Variants in EFR3A observed in about 807,000 individuals in gnomAD.
EFR3A encodes the protein EFR3 homolog A.
A neutral mutation model predicts 104.4 loss-of-function variants in EFR3A; 76 were observed. That is an observed-to-expected ratio of 0.73 (90% CI 0.60 to 0.88). The LOEUF is 0.88. Among genes scored for constraint, EFR3A ranks in the 40% least tolerant of loss-of-function variants. The pLI is 0.00. For synonymous variants in EFR3A, 330 were observed against 330.0 expected, an observed-to-expected ratio of 1.00 and a Z score of 0.00; for missense variants, 985 against 1,012.5, an observed-to-expected ratio of 0.97 and a Z score of 0.37.
chr8:131,972,592 A>G (rs1820127090), intron 10 of EFR3A, among the ~76,000 whole-genome samples: 1 of 152,026 alleles, frequency 6.6e-6, no homozygotes, highest in African/African-American at 2.4e-5. Flanking sequence ...CAAGCAAGCT[A>G]TTTTTCTAAT....
intron 17 of EFR3A, 127 bp from the exon 18 acceptor site, chr8:131,987,448 C>A: frequency 9.5e-7 from 1 of 1,051,688 alleles, no homozygotes; most frequent in Non-Finnish European, 1.3e-6. Flanking sequence ...GATTTTTCTG[C>A]TACTACAGTT....
intron 7 of EFR3A, among the ~76,000 whole-genome samples, chr8:131,958,168 C>T (rs1328344576): frequency 6.6e-6 from 1 of 152,026 alleles, no homozygotes; most frequent in African/African-American, 2.4e-5. Flanking sequence ...TATTTTTCTG[C>T]CTCTTAGGAG....
intron 10 of EFR3A, among the ~76,000 whole-genome samples, chr8:131,975,388 A>ATTTTTCCTTCTTTTT (rs1820273770): frequency 8.4e-6 from 1 of 119,694 alleles, no homozygotes; most frequent in East Asian, 2.4e-4. Flanking sequence ...CTACCAAAAT[A>ATTTTTCCTTCTTTTT]TTTTTCCTTC....
intron 10 of EFR3A, among the ~76,000 whole-genome samples, chr8:131,973,841 T>G (rs1820195458): frequency 6.6e-6 from 1 of 152,182 alleles, no homozygotes; most frequent in African/African-American, 2.4e-5. Flanking sequence ...GTGAATGAGA[T>G]GCTTTTGGTG....
At chr8:131,923,480 G>A (rs571835611) in intron 1 of EFR3A, among the ~76,000 whole-genome samples, 2 of 149,516 alleles carry the variant, frequency 1.3e-5, no homozygotes, top group East Asian at 1.9e-4. Context: ...CTTTAAAAAG[G>A]CATCTGGGAA....
intron 1 of EFR3A, 104 bp from the exon 2 acceptor site, chr8:131,940,395 A>G: frequency 9.3e-7 from 1 of 1,075,356 alleles, no homozygotes; most frequent in Non-Finnish European, 1.3e-6. Context: ...GACAGTTTGA[A>G]CTTTGTATTT....
At chr8:131,913,645 G>T (rs2130394962) in intron 1 of EFR3A, among the ~76,000 whole-genome samples, 1 of 152,182 alleles carries the variant, frequency 6.6e-6, no homozygotes, top group Middle Eastern at 3.4e-3. Context: ...GAACTCCAGG[G>T]TATTTCTGCT....
chr8:131,978,767 G>T, intron 12 of EFR3A, 80 bp from the exon 13 acceptor site: 1 of 1,095,070 alleles, frequency 9.1e-7, no homozygotes, highest in South Asian at 3.1e-5. Flanking sequence ...CTAAGTTTAT[G>T]GTTCTTATAA....
intron 1 of EFR3A, among the ~76,000 whole-genome samples, chr8:131,913,176 A>G (rs1816592770): frequency 6.8e-6 from 1 of 146,798 alleles, no homozygotes; most frequent in Non-Finnish European, 1.5e-5. Flanking sequence ...AGAGTTGAAT[A>G]CAGTTCTAGG....
chr8:131,979,131 A>G, intron 13 of EFR3A, 112 bp downstream of exon 13: 1 of 1,214,334 alleles, frequency 8.2e-7, no homozygotes, highest in South Asian at 1.7e-5. Context: ...TTATTAATCC[A>G]TAATTTTATT....
At chr8:131,934,174 C>T (rs1472518854) in intron 1 of EFR3A, among the ~76,000 whole-genome samples, 1 of 152,184 alleles carries the variant, frequency 6.6e-6, no homozygotes, top group Non-Finnish European at 1.5e-5. Context: ...TCACCAAACT[C>T]TTTTCATGTT....
At position 131,915,410 on chromosome 8, in the gene EFR3A, A is replaced by G. The variant is rs147295003; in HGVS notation, c.10+11088A>G. Among the ~76,000 whole-genome samples the G allele has an allele frequency of 1.2e-3, 182 of 152,088 alleles. 1 individual carries two copies. The highest frequency in any genetic ancestry group is 3.8e-3 in the African/African-American group (157 of 41,484). ...TCCTAGAATCACAAGTGTTCTTTCA[A>G]TTTTTCTTGTTTTCCTGTTGGATTT... On this transcript the variant is annotated intron_variant, in intron 1 of 22. Transcript: ENST00000254624.
intron 18 of EFR3A, among the ~76,000 whole-genome samples, chr8:131,994,177 A>G (rs1294200019): frequency 6.6e-6 from 1 of 151,928 alleles, no homozygotes; most frequent in East Asian, 1.9e-4. Flanking sequence ...CAAGAGTTTG[A>G]GGCTGCAGTG....
chr8:131,977,821 AG>A, intron 12 of EFR3A, among the ~76,000 whole-genome samples: 1 of 152,246 alleles, frequency 6.6e-6, no homozygotes, highest in Admixed American at 6.5e-5. Context: ...ATTCTAATAT[AG>A]CCAGATTTAT....
chr8:131,989,238 CTG>C (rs1276323438), intron 18 of EFR3A, among the ~76,000 whole-genome samples: 2 of 152,134 alleles, frequency 1.3e-5, no homozygotes, highest in African/African-American at 2.4e-5. Flanking sequence ...GATACTGAAT[CTG>C]TAATTAAATT....
chr8:131,959,776 A>G, intron 8 of EFR3A, 113 bp downstream of exon 8: 1 of 612,442 alleles, frequency 1.6e-6, no homozygotes, highest in Non-Finnish European at 2.7e-6. Flanking sequence ...ATTGCTCTTA[A>G]TTTAGCTCTT....
At chr8:131,919,896 A>G (rs915872443) in intron 1 of EFR3A, among the ~76,000 whole-genome samples, 8 of 151,200 alleles carry the variant, frequency 5.3e-5, no homozygotes, top group African/African-American at 1.9e-4. Flanking sequence ...ATTATATTTA[A>G]GTTTAAAAAC....
chr8:131,914,107 C>T (rs1816643104), intron 1 of EFR3A, among the ~76,000 whole-genome samples: 1 of 152,202 alleles, frequency 6.6e-6, no homozygotes, highest in Non-Finnish European at 1.5e-5. Flanking sequence ...ATCCCACCAT[C>T]TGCTGCAGCT....
At chr8:131,968,260 T>C (rs940238968) in intron 8 of EFR3A, 35 bp from the exon 9 acceptor site, 8 of 1,598,594 alleles carry the variant, frequency 5.0e-6, no homozygotes, top group Non-Finnish European at 6.8e-6. Context: ...TACATGTACT[T>C]TTTATACATC....
Sources: allele counts gnomAD v4.1 joint callset (sites outside exome capture counted in the v4.1 genomes callset), GRCh38; gene constraint gnomAD v4.1.1; transcripts MANE v1.5; gene names NCBI Gene and HGNC (gene_info 2026-07-23, HGNC 2026-07-21).